The following SPATA17 variants were observed in gnomAD, a reference collection of about 807,000 sequenced individuals.
SPATA17 encodes the protein spermatogenesis-associated protein 17.
In SPATA17, 53 loss-of-function variants were observed where a neutral mutation model predicts 62.2. The ratio of observed to expected loss-of-function variants is 0.85; its 90% confidence interval spans 0.68 to 1.07. The LOEUF is 1.07. Among genes scored for constraint, SPATA17 ranks in the 50% least tolerant of loss-of-function variants. The probability of loss-of-function intolerance (pLI) is 0.00; values close to 1 mark genes in which losing one functional copy is unlikely to be tolerated. For synonymous variants in SPATA17, 146 were observed against 146.8 expected, an observed-to-expected ratio of 0.99 and a Z score of 0.04; for missense variants, 466 against 425.5, an observed-to-expected ratio of 1.10 and a Z score of -0.84.
intron 9 of SPATA17, among the ~76,000 whole-genome samples, chr1:217,829,253 G>A (rs2103000899): frequency 6.6e-6 from 1 of 152,054 alleles, no homozygotes; most frequent in East Asian, 1.9e-4. Flanking sequence ...ATTTTAAAAA[G>A]CTTTATAAAA....
intron 1 of SPATA17, among the ~76,000 whole-genome samples, chr1:217,646,752 A>G (rs1411684577): frequency 1.3e-5 from 2 of 152,074 alleles, no homozygotes; most frequent in Non-Finnish European, 1.5e-5. Context: ...AAAATTAACC[A>G]GGCATGGTGG....
At chr1:217,801,655 T>C in intron 8 of SPATA17, 63 bp from the exon 9 acceptor site, 1 of 1,412,158 alleles carries the variant, frequency 7.1e-7, no homozygotes, top group Non-Finnish European at 9.7e-7. Context: ...TACAAAGCCT[T>C]ATTTTAAAAA....
chr1:217,655,834 A>G (rs2102887248), intron 3 of SPATA17, among the ~76,000 whole-genome samples: 1 of 152,322 alleles, frequency 6.6e-6, no homozygotes, highest in East Asian at 1.9e-4. Flanking sequence ...CATATTACTT[A>G]ACCAGGACGA....
At chr1:217,697,246 G>A (rs929336735) in intron 5 of SPATA17, among the ~76,000 whole-genome samples, 1 of 152,176 alleles carries the variant, frequency 6.6e-6, no homozygotes, top group African/African-American at 2.4e-5. Context: ...CTCCCAAAGT[G>A]CTGGGATTAT....
chr1:217,709,571 A>G (rs549470298), intron 5 of SPATA17, among the ~76,000 whole-genome samples: 57 of 152,292 alleles, frequency 3.7e-4, no homozygotes, highest in East Asian at 1.5e-3. Context: ...TTGTCTCATA[A>G]CCAAAAATCA....
intron 4 of SPATA17, among the ~76,000 whole-genome samples, chr1:217,674,065 A>G (rs1670892526): frequency 1.3e-5 from 2 of 152,146 alleles, no homozygotes; most frequent in Non-Finnish European, 2.9e-5. Flanking sequence ...GATTACATAC[A>G]TTCAGCCTCA....
At chr1:217,676,146 G>A (rs1261927073) in intron 4 of SPATA17, among the ~76,000 whole-genome samples, 4 of 152,108 alleles carry the variant, frequency 2.6e-5, no homozygotes, top group Admixed American at 2.6e-4. Flanking sequence ...AGAATTAGAT[G>A]GCTCATGACG....
chr1:217,648,772 GA>G (rs1268306864), intron 1 of SPATA17, 109 bp from the exon 2 acceptor site: 2 of 550,936 alleles, frequency 3.6e-6, no homozygotes. Context: ...AATGACATTT[GA>G]ATTTATAATT....
chr1:217,656,546 A>ATATGTATGTATG (rs34179742), intron 3 of SPATA17, among the ~76,000 whole-genome samples: 4,327 of 150,592 alleles, frequency 0.029, 98 homozygotes, highest in Non-Finnish European at 0.038. Context: ...TAGGTCTGAT[A>ATATGTATGTATG]TATGTATGTA....
intron 1 of SPATA17, among the ~76,000 whole-genome samples, chr1:217,641,744 G>A (rs1363934822): frequency 6.6e-6 from 1 of 151,978 alleles, no homozygotes; most frequent in Non-Finnish European, 1.5e-5. Flanking sequence ...ATGTCCCATT[G>A]TGCCCCAAAT....
chr1:217,668,704 A>G (rs1242966677), intron 3 of SPATA17, among the ~76,000 whole-genome samples: 1 of 152,194 alleles, frequency 6.6e-6, no homozygotes, highest in East Asian at 1.9e-4. Context: ...AAATCATACA[A>G]TACTACATGT....
intron 6 of SPATA17, among the ~76,000 whole-genome samples, chr1:217,750,598 G>C (rs1439618773): frequency 1.3e-5 from 2 of 152,158 alleles, no homozygotes; most frequent in Admixed American, 1.3e-4. Context: ...TCAGGAGTTG[G>C]AAAGGTCTGG....
chr1:217,775,119 G>C (rs909133147), intron 7 of SPATA17, among the ~76,000 whole-genome samples: 1 of 152,104 alleles, frequency 6.6e-6, no homozygotes, highest in African/African-American at 2.4e-5. Context: ...CATCAACAGG[G>C]CACAAGGGTT....
intron 5 of SPATA17, among the ~76,000 whole-genome samples, chr1:217,701,315 G>T (rs888268787): frequency 6.6e-6 from 1 of 151,746 alleles, no homozygotes; most frequent in Non-Finnish European, 1.5e-5. Flanking sequence ...GTGTGTGTGT[G>T]TGTATATATA....
At chr1:217,789,270 A>C (rs1673941480) in intron 8 of SPATA17, among the ~76,000 whole-genome samples, 1 of 152,166 alleles carries the variant, frequency 6.6e-6, no homozygotes, top group Admixed American at 6.5e-5. Context: ...AGAACTAATA[A>C]CTCTATTTCT....
At chr1:217,731,005 G>T (rs1295689137) in intron 5 of SPATA17, among the ~76,000 whole-genome samples, 2 of 151,672 alleles carry the variant, frequency 1.3e-5, no homozygotes, top group Non-Finnish European at 2.9e-5. Flanking sequence ...GACTATTTTG[G>T]CCTTCATCTT....
chr1:217,723,923 GCATGTCTGCTGCC>G (rs1306431290), intron 5 of SPATA17, among the ~76,000 whole-genome samples: 1 of 152,228 alleles, frequency 6.6e-6, no homozygotes, highest in East Asian at 1.9e-4. Context: ...GCCAAGCTCA[GCATGTCTGCTGCC>G]ACCCCTGTCC....
At chr1:217,857,176 T>G (rs901159484) in intron 9 of SPATA17, among the ~76,000 whole-genome samples, 1 of 152,178 alleles carries the variant, frequency 6.6e-6, no homozygotes, top group Non-Finnish European at 1.5e-5. Flanking sequence ...GCTGTCCCGC[T>G]TACTAACATC....
intron 3 of SPATA17, among the ~76,000 whole-genome samples, chr1:217,654,763 G>T (rs1166988252): frequency 6.7e-6 from 1 of 149,334 alleles, no homozygotes; most frequent in African/African-American, 2.5e-5. Context: ...GTCGTCCCAG[G>T]GTGCAAGGGT....
Sources: gnomAD v4.1 joint callset for allele counts (sites outside exome capture counted in the v4.1 genomes callset) on GRCh38, gnomAD v4.1.1 for gene constraint, MANE v1.5 for transcripts, NCBI Gene and HGNC (gene_info 2026-07-23, HGNC 2026-07-21) for gene names.